Variants in TENM4 observed in about 807,000 individuals in gnomAD.
TENM4 encodes teneurin-4.
TENM4 carries 82 observed loss-of-function variants against 243.3 expected under a neutral mutation model. The observed-to-expected ratio is 0.34, with a 90% CI of 0.28 to 0.40. The LOEUF (loss-of-function observed/expected upper bound fraction) is 0.40, where lower values mean the gene tolerates loss of function less well. TENM4 is among the 10% of genes least tolerant of loss of function. The pLI, the probability that TENM4 is intolerant of heterozygous loss-of-function variation, is 1.00. For synonymous variants in TENM4, 1,412 were observed against 1,456.3 expected (o/e 0.97, Z 0.69); for missense variants, 3,138 against 3,673.3 (o/e 0.85, Z 3.77).
At chr11:78,742,372 T>C (rs1485667359) in intron 19 of TENM4, among the ~76,000 whole-genome samples, 1 of 152,210 alleles carries the variant, frequency 6.6e-6, no homozygotes, top group African/African-American at 2.4e-5. Flanking sequence ...CTGTGTTATG[T>C]ACCTGCAGTC....
intron 28 of TENM4, among the ~76,000 whole-genome samples, chr11:78,689,006 T>C (rs1471071033): frequency 6.6e-6 from 1 of 152,260 alleles, no homozygotes; most frequent in East Asian, 1.9e-4. Context: ...TAGTTGCTTT[T>C]CATGCATTTT....
chr11:78,704,024 C>CACATAT (rs1555067556), intron 27 of TENM4, among the ~76,000 whole-genome samples: 42 of 129,000 alleles, frequency 3.3e-4, no homozygotes, highest in African/African-American at 5.1e-4. Context: ...CACACACACA[C>CACATAT]ATATATATAT....
At chr11:79,190,770 C>T (rs1422219713) in intron 3 of TENM4, among the ~76,000 whole-genome samples, 2 of 146,454 alleles carry the variant, frequency 1.4e-5, no homozygotes, top group Non-Finnish European at 3.0e-5. Context: ...ATATTTTCGT[C>T]CCTCTCCCTC....
chr11:79,316,594 T>G (rs986256525), intron 1 of TENM4, among the ~76,000 whole-genome samples: 6 of 152,224 alleles, frequency 3.9e-5, no homozygotes, highest in African/African-American at 1.2e-4. Context: ...ACATCACCCT[T>G]AAAACAAGTA....
At position 78,676,393 on chromosome 11, in the gene TENM4, G is replaced by A. The variant is rs1268788248; in HGVS notation, c.5261-6C>T. ...GTAGCTGTTCCGGACTTGGTCTGCA[G>A]GAGAGGACAAGCACAGACTGCTCAG... On this transcript the variant is annotated splice_region_variant and splice_polypyrimidine_tract_variant and intron_variant, in intron 29 of 33. Transcript: ENST00000278550. 1.3e-6 allele frequency: 2 copies of A among 1,589,394 alleles called. No homozygotes were observed. Among genetic ancestry groups the A allele is most frequent in the Non-Finnish European group, 1.7e-6 (2 of 1,161,622 alleles).
intron 10 of TENM4, among the ~76,000 whole-genome samples, chr11:78,859,691 G>A (rs535791252): frequency 2.4e-4 from 37 of 152,314 alleles, no homozygotes; most frequent in African/African-American, 8.9e-4. Flanking sequence ...TAACTTGCAT[G>A]AAGAATTCTT....
At chr11:78,729,669 A>T in intron 21 of TENM4, 26 bp from the exon 22 acceptor site, 1 of 1,586,802 alleles carries the variant, frequency 6.3e-7, no homozygotes, top group South Asian at 1.2e-5. Context: ...AGATCACAGC[A>T]AGGGACGGTC....
At chr11:79,363,048 G>C (rs1857617858) in intron 1 of TENM4, among the ~76,000 whole-genome samples, 2 of 152,300 alleles carry the variant, frequency 1.3e-5, no homozygotes, top group African/African-American at 4.8e-5. Context: ...CACACAGGTG[G>C]ATTGCAACTC....
At chr11:78,819,670 C>T (rs930044309) in intron 12 of TENM4, among the ~76,000 whole-genome samples, 4 of 152,178 alleles carry the variant, frequency 2.6e-5, no homozygotes, top group African/African-American at 9.7e-5. Flanking sequence ...AAGGCCCACT[C>T]GACACTCTCA....
intron 3 of TENM4, among the ~76,000 whole-genome samples, chr11:79,163,511 C>T (rs1862802476): frequency 2.0e-5 from 3 of 151,802 alleles, no homozygotes; most frequent in African/African-American, 2.4e-5. Flanking sequence ...GCACCCTATA[C>T]CCAATGTGTA....
intron 19 of TENM4, among the ~76,000 whole-genome samples, chr11:78,755,653 C>G (rs1856289341): frequency 6.6e-6 from 1 of 152,178 alleles, no homozygotes; most frequent in Non-Finnish European, 1.5e-5. Flanking sequence ...TGCTCCTGCT[C>G]TCTGCTCCTC....
intron 12 of TENM4, among the ~76,000 whole-genome samples, chr11:78,816,452 C>G (rs1857606686): frequency 6.6e-6 from 1 of 152,248 alleles, no homozygotes; most frequent in African/African-American, 2.4e-5. Context: ...TTTGTGGCGA[C>G]TCTAGCTATG....
chr11:79,125,885 A>G (rs184996798), intron 4 of TENM4, among the ~76,000 whole-genome samples: 68 of 152,252 alleles, frequency 4.5e-4, no homozygotes, highest in Middle Eastern at 6.8e-3. Context: ...TGAGAGTGTG[A>G]CCCATGAGGA....
chr11:78,666,708 G>A (rs564853680), intron 32 of TENM4, among the ~76,000 whole-genome samples: 15 of 152,334 alleles, frequency 9.8e-5, no homozygotes, highest in South Asian at 6.2e-4. Flanking sequence ...GTCTACATCT[G>A]TGTGACTCTG....
At chr11:78,952,912 C>T (rs1857133646) in intron 6 of TENM4, among the ~76,000 whole-genome samples, 2 of 152,108 alleles carry the variant, frequency 1.3e-5, no homozygotes, top group South Asian at 2.1e-4. Context: ...GGTATGCATT[C>T]CCCCAAGGTT....
Position 79,083,956 on chromosome 11 carries a change from AAT to A in TENM4, c.-65-13949_-65-13948del, listed in dbSNP as rs1555005043. On this transcript the variant is annotated intron_variant, in intron 4 of 33. Coordinates refer to ENST00000278550, the MANE Select transcript of TENM4 (RefSeq NM_001098816.3). ...TAACAAAGGAAGGCCTAGTATCTAG[AAT>A]ATATATATATGTGTGTGTGTGTGTA... Among the ~76,000 whole-genome samples, 391 of 151,422 alleles carry A rather than the reference AAT, an allele frequency of 2.6e-3. 2 individuals carry two copies. The highest frequency in any genetic ancestry group is 9.1e-3 in the African/African-American group (375 of 41,204).
At chr11:79,014,017 A>G (rs953120079) in intron 6 of TENM4, among the ~76,000 whole-genome samples, 1 of 152,060 alleles carries the variant, frequency 6.6e-6, no homozygotes, top group African/African-American at 2.4e-5. Context: ...AACAAAGTCT[A>G]TGACATTCTT....
intron 12 of TENM4, among the ~76,000 whole-genome samples, chr11:78,852,741 C>G (rs1455379777): frequency 6.6e-6 from 1 of 152,030 alleles, no homozygotes; most frequent in Non-Finnish European, 1.5e-5. Context: ...GTACCAGATT[C>G]AGAGATTTTT....
chr11:79,075,799 T>C (rs1418129990), intron 4 of TENM4, among the ~76,000 whole-genome samples: 5 of 152,190 alleles, frequency 3.3e-5, no homozygotes, highest in African/African-American at 7.2e-5. Flanking sequence ...CATGGCGCAG[T>C]GTTCTGAAAC....
Sources: allele counts gnomAD v4.1 joint callset (sites outside exome capture counted in the v4.1 genomes callset), GRCh38; gene constraint gnomAD v4.1.1; transcripts MANE v1.5; gene names NCBI Gene and HGNC (gene_info 2026-07-23, HGNC 2026-07-21).